Variants in ST7 observed in about 807,000 individuals in gnomAD.
ST7 encodes suppressor of tumorigenicity 7 protein.
ST7 carries 28 observed loss-of-function variants against 78.7 expected under a neutral mutation model. The ratio of observed to expected loss-of-function variants is 0.36; its 90% confidence interval spans 0.26 to 0.49. The LOEUF (loss-of-function observed/expected upper bound fraction) is 0.49, where lower values mean the gene tolerates loss of function less well. ST7 is among the 20% of genes least tolerant of loss of function. The pLI, the probability that ST7 is intolerant of heterozygous loss-of-function variation, is 0.99. For missense variants in ST7, 418 were observed against 696.0 expected, an observed-to-expected ratio of 0.60 and a Z score of 4.49; for synonymous variants, 247 against 249.6, an observed-to-expected ratio of 0.99 and a Z score of 0.10.
intron 9 of ST7, among the ~76,000 whole-genome samples, chr7:117,154,853 G>C (rs572707648): frequency 3.9e-5 from 6 of 152,130 alleles, no homozygotes; most frequent in Non-Finnish European, 5.9e-5. Context: ...GGAACTTGAG[G>C]AATTGGCAAG....
chr7:117,158,740 G>A (rs1806899060), intron 9 of ST7, among the ~76,000 whole-genome samples: 1 of 152,100 alleles, frequency 6.6e-6, no homozygotes, highest in Non-Finnish European at 1.5e-5. Context: ...TGAGGACTCT[G>A]GTAAACAATT....
At chr7:117,020,776 G>GTTCCTTCCCTGA in intron 1 of ST7, 1 of 1,213,830 alleles carries the variant, frequency 8.2e-7, no homozygotes, top group Non-Finnish European at 1.1e-6. Flanking sequence ...TCTCAGGGAA[G>GTTCCTTCCCTGA]GAACTCCCCT....
At chr7:117,012,585 C>T (rs1795432769) in intron 1 of ST7, among the ~76,000 whole-genome samples, 1 of 151,426 alleles carries the variant, frequency 6.6e-6, no homozygotes, top group South Asian at 2.1e-4. Context: ...GGCCTTTTGT[C>T]AATTTATAAG....
At chr7:117,126,593 A>G (rs1803869344) in intron 3 of ST7, among the ~76,000 whole-genome samples, 1 of 151,796 alleles carries the variant, frequency 6.6e-6, no homozygotes, top group Non-Finnish European at 1.5e-5. Flanking sequence ...ATAATTACCC[A>G]CTCAATACAT....
intron 15 of ST7, among the ~76,000 whole-genome samples, chr7:117,226,293 T>C (rs1330714737): frequency 2.0e-5 from 3 of 152,242 alleles, no homozygotes; most frequent in Non-Finnish European, 4.4e-5. Flanking sequence ...TCTCTTTTTT[T>C]ACTAGTTCAG....
intron 1 of ST7, among the ~76,000 whole-genome samples, chr7:117,074,316 A>G (rs1342182996): frequency 6.6e-6 from 1 of 152,166 alleles, no homozygotes; most frequent in Admixed American, 6.5e-5. Context: ...GCTTGAACCC[A>G]GGAGGCGGAG....
chr7:117,022,481 A>T (rs1302806156), intron 1 of ST7, among the ~76,000 whole-genome samples: 1 of 152,206 alleles, frequency 6.6e-6, no homozygotes. Context: ...ATTCAGTGTT[A>T]GGACAAGTGT....
chr7:117,029,046 G>C (rs888550451), intron 1 of ST7, among the ~76,000 whole-genome samples: 2 of 152,130 alleles, frequency 1.3e-5, no homozygotes, highest in African/African-American at 4.8e-5. Context: ...TATTTTGTAT[G>C]TTAAATATAT....
intron 1 of ST7, chr7:117,020,234 A>G (rs1272646274): frequency 4.0e-6 from 1 of 251,802 alleles, no homozygotes; most frequent in Non-Finnish European, 7.6e-6. Context: ...CTGCTACAGC[A>G]GGGCTGGGGA....
At chr7:116,993,568 A>G (rs1794520731) in intron 1 of ST7, among the ~76,000 whole-genome samples, 1 of 152,252 alleles carries the variant, frequency 6.6e-6, no homozygotes, top group African/African-American at 2.4e-5. Context: ...AAACCATATC[A>G]AACCATATTT....
chr7:117,158,829 T>A (rs936427109), intron 9 of ST7, among the ~76,000 whole-genome samples: 1 of 152,224 alleles, frequency 6.6e-6, no homozygotes, highest in Non-Finnish European at 1.5e-5. Context: ...GTGTCTTTTC[T>A]ATTTTCTATT....
intron 1 of ST7, among the ~76,000 whole-genome samples, chr7:117,064,142 A>G (rs1798504377): frequency 6.6e-6 from 1 of 152,128 alleles, no homozygotes; most frequent in Non-Finnish European, 1.5e-5. Context: ...ACCTTTTTCT[A>G]TTGAAGATAA....
chr7:116,965,412 G>C (rs914757809), intron 1 of ST7, among the ~76,000 whole-genome samples: 1 of 151,948 alleles, frequency 6.6e-6, no homozygotes. Flanking sequence ...GTGGAAGGGT[G>C]GGGGGCAAGG....
chr7:117,157,216 T>C (rs141981146), intron 9 of ST7, among the ~76,000 whole-genome samples: 281 of 152,296 alleles, frequency 1.8e-3, no homozygotes, highest in African/African-American at 6.5e-3. Flanking sequence ...TGAGCATTAA[T>C]GATCTGGATG....
At chr7:117,132,078 GA>G (rs369951039) in intron 6 of ST7, 118 bp downstream of exon 6, 1 of 1,048,906 alleles carries the variant, frequency 9.5e-7, no homozygotes, top group African/African-American at 1.6e-5. Flanking sequence ...ATTATTTGGG[GA>G]GTTATTACTC....
At chr7:117,221,501 G>A (rs1433207227) in intron 14 of ST7, among the ~76,000 whole-genome samples, 1 of 152,146 alleles carries the variant, frequency 6.6e-6, no homozygotes, top group Non-Finnish European at 1.5e-5. Context: ...AAATATAGAC[G>A]GGATACCTTT....
At chr7:117,220,521 C>T (rs1259361181) in intron 14 of ST7, among the ~76,000 whole-genome samples, 1 of 152,128 alleles carries the variant, frequency 6.6e-6, no homozygotes, top group African/African-American at 2.4e-5. Context: ...TAATCGAGTC[C>T]AATTAAGTTT....
At chr7:117,007,838 A>G (rs1184570066) in intron 1 of ST7, among the ~76,000 whole-genome samples, 1 of 152,208 alleles carries the variant, frequency 6.6e-6, no homozygotes, top group Admixed American at 6.5e-5. Flanking sequence ...GCCTCTGGCA[A>G]TCACCATTCT....
At chr7:117,109,674 C>T (rs1187268969) in intron 2 of ST7, among the ~76,000 whole-genome samples, 4 of 152,074 alleles carry the variant, frequency 2.6e-5, no homozygotes, top group Non-Finnish European at 5.9e-5. Context: ...AGAAGGAATC[C>T]TCCCTAAATT....
Sources: gnomAD v4.1 joint callset for allele counts (sites outside exome capture counted in the v4.1 genomes callset) on GRCh38, gnomAD v4.1.1 for gene constraint, MANE v1.5 for transcripts, NCBI Gene and HGNC (gene_info 2026-07-23, HGNC 2026-07-21) for gene names.